The following NFIB variants were observed in gnomAD, a reference collection of about 807,000 sequenced individuals.
NFIB encodes the protein nuclear factor I B, also known as nuclear factor 1 B-type.
A neutral mutation model predicts 61.5 loss-of-function variants in NFIB; 11 were observed. That is an observed-to-expected ratio of 0.18 (90% confidence interval 0.11 to 0.30). The LOEUF (loss-of-function observed/expected upper bound fraction) is 0.30. Ranked by LOEUF, NFIB falls within the 10% of genes least tolerant of loss-of-function variation. The probability of loss-of-function intolerance (pLI) is 1.00; values close to 1 mark genes in which losing one functional copy is unlikely to be tolerated. For missense variants in NFIB, 471 were observed against 608.9 expected (o/e 0.77, Z 2.38); for synonymous variants, 260 against 216.5 (o/e 1.20, Z -1.76).
intron 2 of NFIB, among the ~76,000 whole-genome samples, chr9:14,231,369 T>G (rs555430898): frequency 1.3e-5 from 2 of 151,764 alleles, no homozygotes; most frequent in African/African-American, 2.4e-5. Context: ...GAGGGCTGAC[T>G]GTAAAAGAAT....
the NFIB span, among the ~76,000 whole-genome samples, chr9:14,524,392 A>T: frequency 3.9e-5 from 6 of 152,164 alleles, no homozygotes; most frequent in Non-Finnish European, 5.9e-5. Flanking sequence ...ACAGAAAAAA[A>T]ATCCCATTTA....
chr9:14,242,252 T>C (rs2054444301), intron 2 of NFIB, among the ~76,000 whole-genome samples: 1 of 152,216 alleles, frequency 6.6e-6, no homozygotes. Context: ...CATATGGAAA[T>C]ATGCATGAGT....
intron 3 of NFIB, among the ~76,000 whole-genome samples, chr9:14,173,462 A>C (rs567517212): frequency 1.3e-5 from 2 of 152,106 alleles, no homozygotes; most frequent in South Asian, 2.1e-4. Context: ...TTATGTATAT[A>C]TTATTTTGTA....
In NFIB at chr9:14,087,467, ATAT is replaced by A. The variant is rs1178655355; in HGVS notation, c.*839_*841del. 3 of 222,014 alleles carry A rather than the reference ATAT, an allele frequency of 1.4e-5. No individual in the cohort carries two copies. Among genetic ancestry groups the A allele is most frequent in the African/African-American group, 2.2e-5 (1 of 44,652 alleles). The allele number at this position is 222,014 out of a possible 1,614,324, so 13.8% of individuals were successfully genotyped here. ...GTTAAGTGTTTCTTTTGTGGGGAAAATATTATATTAATTTTTACTGTTGCATGC... is the reference window on the plus strand; with the variant it reads ...GTTAAGTGTTTCTTTTGTGGGGAAAATATATTAATTTTTACTGTTGCATGC... On this transcript the variant is annotated 3_prime_UTR_variant, in exon 11 of 11. Transcript: ENST00000380953.
the NFIB span, among the ~76,000 whole-genome samples, chr9:14,430,837 C>A: frequency 6.6e-6 from 1 of 152,158 alleles, no homozygotes. Flanking sequence ...CCACCTCGGC[C>A]TCCCAAAGTG....
chr9:14,134,149 T>C (rs2040728089), intron 6 of NFIB, among the ~76,000 whole-genome samples: 1 of 152,214 alleles, frequency 6.6e-6, no homozygotes, highest in South Asian at 2.1e-4. Flanking sequence ...TCTATAAATT[T>C]CTGTCAGAGG....
chr9:14,438,819 G>C, the NFIB span, among the ~76,000 whole-genome samples: 1 of 152,142 alleles, frequency 6.6e-6, no homozygotes, highest in African/African-American at 2.4e-5. Context: ...AAGGCCTGGG[G>C]CGGCAGAGAA....
chr9:14,126,081 C>T (rs972291284), intron 6 of NFIB, among the ~76,000 whole-genome samples: 10 of 152,162 alleles, frequency 6.6e-5, no homozygotes, highest in African/African-American at 2.2e-4. Context: ...GCCTTCTTTA[C>T]CTCAGTATTT....
At chr9:14,453,359 T>A in the NFIB span, among the ~76,000 whole-genome samples, 1 of 152,260 alleles carries the variant, frequency 6.6e-6, no homozygotes, top group Admixed American at 6.5e-5. Context: ...AGGGAGGATT[T>A]ATCTGCAACC....
At position 14,085,557 on chromosome 9, in the gene NFIB, C is replaced by T. The variant is rs2032731410; in HGVS notation, c.*2752G>A. The T allele has an allele frequency of 4.5e-6, 1 of 219,946 alleles. No homozygotes were observed. Among genetic ancestry groups the T allele is most frequent in the Admixed American group, 5.8e-5 (1 of 17,320 alleles). The allele number at this position is 219,946 out of a possible 1,614,324, so 13.6% of individuals were successfully genotyped here. The stretch of plus-strand genomic sequence containing the variant: ...CTTAAAATTCTATATTTCCCTTCTG[C>T]TCTGGTTCTCAGTTTTAAAAGGGGA... On this transcript the variant is annotated 3_prime_UTR_variant, in exon 11 of 11. Coordinates refer to ENST00000380953, the MANE Select transcript of NFIB (RefSeq NM_001190737.2).
intron 2 of NFIB, among the ~76,000 whole-genome samples, chr9:14,262,923 GA>G (rs890414458): frequency 1.3e-5 from 2 of 151,018 alleles, no homozygotes; most frequent in South Asian, 2.1e-4. Flanking sequence ...ATTTCCAAAG[GA>G]AAAAAAAATT....
intron 2 of NFIB, among the ~76,000 whole-genome samples, chr9:14,305,101 A>G (rs898458734): frequency 3.3e-5 from 5 of 152,234 alleles, no homozygotes; most frequent in Admixed American, 6.5e-5. Flanking sequence ...TATAGTTATC[A>G]TGACCAGTGG....
chr9:14,446,162 T>C, the NFIB span, among the ~76,000 whole-genome samples: 1 of 152,190 alleles, frequency 6.6e-6, no homozygotes, highest in African/African-American at 2.4e-5. Context: ...TTTCCTCATT[T>C]TGATTTTGGT....
At chr9:14,426,071 G>T in the NFIB span, among the ~76,000 whole-genome samples, 9,842 of 152,106 alleles carry the variant, frequency 0.065, 401 homozygotes, top group South Asian at 0.12. Flanking sequence ...GAAATGCGTT[G>T]GAGATGGAGG....
chr9:14,344,102 GAGAGAA>G (rs1251846353), intron 1 of NFIB, among the ~76,000 whole-genome samples: 3 of 133,962 alleles, frequency 2.2e-5, no homozygotes, highest in African/African-American at 3.6e-5. Flanking sequence ...GGGAGAGAGA[GAGAGAA>G]AGAGAGAGAG....
intron 1 of NFIB, among the ~76,000 whole-genome samples, chr9:14,320,464 G>A (rs1236858296): frequency 1.3e-5 from 2 of 152,152 alleles, no homozygotes; most frequent in Non-Finnish European, 2.9e-5. Flanking sequence ...ACTTTTCAGC[G>A]CTAGAGCTTT....
At chr9:14,154,218 C>T (rs550712629) in intron 4 of NFIB, among the ~76,000 whole-genome samples, 271 of 152,078 alleles carry the variant, frequency 1.8e-3, no homozygotes, top group Non-Finnish European at 3.5e-3. Context: ...TATTACCTAT[C>T]ATGAGGTACT....
upstream of NFIB, among the ~76,000 whole-genome samples, chr9:14,318,297 G>A (rs995450902): frequency 5.3e-5 from 8 of 152,134 alleles, no homozygotes; most frequent in African/African-American, 1.9e-4. Flanking sequence ...AAACCCAGTT[G>A]TATATTTGAA....
intron 1 of NFIB, among the ~76,000 whole-genome samples, chr9:14,310,687 G>A (rs2060238521): frequency 6.6e-6 from 1 of 152,036 alleles, no homozygotes; most frequent in Non-Finnish European, 1.5e-5. Flanking sequence ...GTATACAAAG[G>A]TAATAGGCAA....
Sources: allele counts gnomAD v4.1 joint callset (sites outside exome capture counted in the v4.1 genomes callset), GRCh38; gene constraint gnomAD v4.1.1; transcripts MANE v1.5; gene names NCBI Gene and HGNC (gene_info 2026-07-23, HGNC 2026-07-21).